The following FCHSD2 variants were observed in gnomAD, a reference collection of about 807,000 sequenced individuals.
FCHSD2 encodes the protein F-BAR and double SH3 domains protein 2.
Under a neutral mutation model 108.1 loss-of-function variants are expected in FCHSD2, and 38 were observed. That is an observed-to-expected ratio of 0.35 (90% confidence interval 0.27 to 0.46). The LOEUF (loss-of-function observed/expected upper bound fraction) is 0.46, where lower values mean the gene tolerates loss of function less well. Ranked by LOEUF, FCHSD2 falls within the 20% of genes least tolerant of loss-of-function variation. The pLI is 1.00. For synonymous variants in FCHSD2, 279 were observed against 314.7 expected, an observed-to-expected ratio of 0.89 and a Z score of 1.20; for missense variants, 751 against 897.8, an observed-to-expected ratio of 0.84 and a Z score of 2.09.
chr11:73,056,402 T>C (rs1859026228), intron 3 of FCHSD2, among the ~76,000 whole-genome samples: 2 of 152,222 alleles, frequency 1.3e-5, no homozygotes, highest in East Asian at 1.9e-4. Context: ...ACACTGCTCA[T>C]ACCCCCAAAA....
Position 73,007,710 on chromosome 11 carries a change from A to G in FCHSD2, c.243-6576T>C, listed in dbSNP as rs193028483. On this transcript the variant is annotated intron_variant, in intron 4 of 19. Coordinates refer to ENST00000409418, the MANE Select transcript of FCHSD2 (RefSeq NM_014824.3). ...CTTAAGTGTGGAAGAGGTCACACAA[A>G]GCTACAAATGTGGTAAAACTGCACA... Among the ~76,000 whole-genome samples, 6 of 152,376 alleles carry G rather than the reference A, an allele frequency of 3.9e-5. 1 individual carries two copies. In the East Asian group the frequency reaches 1.2e-3, roughly 29 times the overall value.
At chr11:72,857,263 G>T (rs988718009) in intron 13 of FCHSD2, among the ~76,000 whole-genome samples, 3 of 152,034 alleles carry the variant, frequency 2.0e-5, no homozygotes, top group African/African-American at 7.3e-5. Context: ...TCTCTTAACT[G>T]AACTGTTACA....
intron 8 of FCHSD2, 120 bp downstream of exon 8, chr11:72,983,968 T>C: frequency 3.9e-6 from 3 of 771,088 alleles, no homozygotes; most frequent in Non-Finnish European, 6.7e-6. Flanking sequence ...TATATTCCAA[T>C]GAGATGCAAC....
intron 5 of FCHSD2, among the ~76,000 whole-genome samples, chr11:72,997,554 A>G (rs1857542821): frequency 6.6e-6 from 1 of 152,210 alleles, no homozygotes; most frequent in African/African-American, 2.4e-5. Context: ...TCAGATAGTG[A>G]AATTATATAA....
At chr11:73,111,290 G>C (rs924235185) in intron 2 of FCHSD2, among the ~76,000 whole-genome samples, 1 of 152,048 alleles carries the variant, frequency 6.6e-6, no homozygotes, top group Non-Finnish European at 1.5e-5. Flanking sequence ...ATATCTGGGT[G>C]CTCCAGTATT....
chr11:72,876,098 T>C (rs982997912), intron 12 of FCHSD2, among the ~76,000 whole-genome samples: 2 of 152,222 alleles, frequency 1.3e-5, no homozygotes, highest in East Asian at 3.9e-4. Context: ...TGTGGGAGGA[T>C]TGCTGAGCCC....
At chr11:72,902,767 A>G (rs1474161241) in intron 9 of FCHSD2, 129 bp from the exon 10 acceptor site, 5 of 574,578 alleles carry the variant, frequency 8.7e-6, no homozygotes, top group Non-Finnish European at 1.5e-5. Context: ...GGTAAAAAAG[A>G]AATGGTGTTA....
intron 8 of FCHSD2, among the ~76,000 whole-genome samples, chr11:72,946,430 G>A (rs1856521553): frequency 6.6e-6 from 1 of 151,606 alleles, no homozygotes; most frequent in African/African-American, 2.4e-5. Flanking sequence ...AGCATTTGGA[G>A]ATATACCTAA....
Position 72,948,727 on chromosome 11 carries a change from A to C in FCHSD2, c.706-26777T>G, listed in dbSNP as rs569522789. ...GTCGCCCAGGCTGGAGTGCAGTGGC[A>C]CAATCTCGGCTCACTGCAAGCTCCA... On this transcript the variant is annotated intron_variant, in intron 8 of 19. Transcript: ENST00000409418. 3.3e-5 allele frequency among the ~76,000 whole-genome samples: 5 copies of C among 150,924 alleles called. No individual in the cohort carries two copies. The South Asian group carries it at 1.0e-3, about 32-fold the overall frequency.
At chr11:72,925,687 T>G (rs1380710258) in intron 8 of FCHSD2, among the ~76,000 whole-genome samples, 1 of 152,120 alleles carries the variant, frequency 6.6e-6, no homozygotes, top group Non-Finnish European at 1.5e-5. Context: ...GTAGACACGA[T>G]TATCGAAATG....
intron 3 of FCHSD2, among the ~76,000 whole-genome samples, chr11:73,045,639 A>T (rs1362932578): frequency 2.0e-5 from 3 of 150,464 alleles, no homozygotes; most frequent in Non-Finnish European, 4.4e-5. Context: ...GAAATTGGAA[A>T]TCATCATTCT....
At chr11:72,911,911 T>C (rs1275781160) in intron 9 of FCHSD2, among the ~76,000 whole-genome samples, 1 of 152,220 alleles carries the variant, frequency 6.6e-6, no homozygotes, top group African/African-American at 2.4e-5. Flanking sequence ...TATTTGTAGC[T>C]ATTGTAAATG....
chr11:73,096,987 A>ATTTTTTTTTTTTTTTTTTTTTTTTT lies in FCHSD2; in HGVS notation c.120-13272_120-13248dup. On this transcript the variant is annotated intron_variant, in intron 2 of 19. Transcript: ENST00000409418. ...CTAATGTGATGTATTTCATTGATGGATTTTTTTTTTTTTTTTTTTTTTTTT... is the reference window on the plus strand; with the variant it reads ...CTAATGTGATGTATTTCATTGATGGATTTTTTTTTTTTTTTTTTTTTTTTTTTTTTTTTTTTTTTTTTTTTTTTTT... 2.8e-3 allele frequency among the ~76,000 whole-genome samples: 76 copies of ATTTTTTTTTTTTTTTTTTTTTTTTT among 27,046 alleles called. 29 individuals carry two copies. The highest frequency in any genetic ancestry group is 8.8e-3 in the East Asian group (5 of 566). The allele number at this position is 27,046 out of a possible 152,430, so 17.7% of individuals were successfully genotyped here. A position where few individuals can be genotyped will look rare whatever the true frequency, so the allele number is the denominator to read the frequency against.
intron 8 of FCHSD2, among the ~76,000 whole-genome samples, chr11:72,958,892 T>C (rs759807521): frequency 3.3e-5 from 5 of 152,198 alleles, no homozygotes; most frequent in Non-Finnish European, 7.3e-5. Context: ...AACTTACCCA[T>C]TTCCATCTAT....
chr11:73,100,326 T>A (rs1860191539), intron 2 of FCHSD2, among the ~76,000 whole-genome samples: 1 of 143,518 alleles, frequency 7.0e-6, no homozygotes, highest in Admixed American at 7.0e-5. Context: ...CTAAGCGCTT[T>A]ACATGCTTTT....
intron 12 of FCHSD2, among the ~76,000 whole-genome samples, chr11:72,887,076 AAT>A (rs139077318): frequency 4.0e-5 from 6 of 149,394 alleles, no homozygotes; most frequent in Non-Finnish European, 5.9e-5. Context: ...AAGCTCTGAA[AAT>A]ATATATATAT....
At chr11:73,123,348 T>C (rs1380516203) in intron 2 of FCHSD2, among the ~76,000 whole-genome samples, 1 of 152,206 alleles carries the variant, frequency 6.6e-6, no homozygotes, top group East Asian at 1.9e-4. Context: ...AGGAAAAGTA[T>C]CTGAAATGCA....
At chr11:72,906,671 A>G (rs1229954709) in intron 9 of FCHSD2, among the ~76,000 whole-genome samples, 1 of 152,142 alleles carries the variant, frequency 6.6e-6, no homozygotes, top group Non-Finnish European at 1.5e-5. Flanking sequence ...AGCACCATTT[A>G]TTAAACTGAA....
At chr11:72,891,090 T>C (rs1014693143) in intron 10 of FCHSD2, among the ~76,000 whole-genome samples, 1 of 152,100 alleles carries the variant, frequency 6.6e-6, no homozygotes, top group African/African-American at 2.4e-5. Context: ...CTCATTTTTT[T>C]TTTTCCTTCT....
Sources: allele counts gnomAD v4.1 joint callset (sites outside exome capture counted in the v4.1 genomes callset), GRCh38; gene constraint gnomAD v4.1.1; transcripts MANE v1.5; gene names NCBI Gene and HGNC (gene_info 2026-07-23, HGNC 2026-07-21).